Variants in TCERG1L observed in about 807,000 individuals in gnomAD.
TCERG1L encodes the protein transcription elongation regulator 1 like.
TCERG1L carries 37 observed loss-of-function variants against 56.3 expected under a neutral mutation model. The ratio of observed to expected loss-of-function variants is 0.66; its 90% confidence interval spans 0.51 to 0.87. The LOEUF (loss-of-function observed/expected upper bound fraction) is 0.87. Among genes scored for constraint, TCERG1L ranks in the 40% least tolerant of loss-of-function variants. The pLI is 0.00. For missense variants in TCERG1L, 799 were observed against 774.2 expected, an observed-to-expected ratio of 1.03 and a Z score of -0.38; for synonymous variants, 324 against 326.3, an observed-to-expected ratio of 0.99 and a Z score of 0.08.
At chr10:131,137,694 T>C (rs569388595) in intron 7 of TCERG1L, among the ~76,000 whole-genome samples, 2 of 152,364 alleles carry the variant, frequency 1.3e-5, no homozygotes, top group East Asian at 1.9e-4. Flanking sequence ...TGTATAATAT[T>C]GGTAATTTTT....
chr10:131,275,539 G>C (rs575669381), intron 3 of TCERG1L, among the ~76,000 whole-genome samples: 3 of 152,134 alleles, frequency 2.0e-5, no homozygotes, highest in Non-Finnish European at 4.4e-5. Context: ...AGATTGCTGT[G>C]AATACCTGGT....
At chr10:131,210,240 G>A (rs929422093) in intron 4 of TCERG1L, among the ~76,000 whole-genome samples, 1 of 152,176 alleles carries the variant, frequency 6.6e-6, no homozygotes, top group Non-Finnish European at 1.5e-5. Flanking sequence ...GACTGACAAA[G>A]GGATCCAGCT....
At chr10:131,127,040 T>C (rs186790296) in intron 8 of TCERG1L, among the ~76,000 whole-genome samples, 5 of 152,144 alleles carry the variant, frequency 3.3e-5, no homozygotes, top group Non-Finnish European at 7.4e-5. Context: ...AGGTGTTGAT[T>C]TTAGGTAATA....
chr10:131,289,794 T>C (rs149444443), intron 3 of TCERG1L, among the ~76,000 whole-genome samples: 19 of 21,664 alleles, frequency 8.8e-4, no homozygotes, highest in Admixed American at 2.6e-3. Context: ...ATGTGTGCAC[T>C]GCTGTGTGTG....
At chr10:131,144,598 T>A (rs894036901) in intron 7 of TCERG1L, among the ~76,000 whole-genome samples, 1 of 152,002 alleles carries the variant, frequency 6.6e-6, no homozygotes, top group African/African-American at 2.4e-5. Flanking sequence ...AAAAAAAGAC[T>A]GGTTGAAAAC....
At position 131,184,250 on chromosome 10, in the gene TCERG1L, C is replaced by T. The variant is rs545255584; in HGVS notation, c.857-17365G>A. 4.5e-4 allele frequency among the ~76,000 whole-genome samples: 68 copies of T among 152,322 alleles called. 1 individual carries two copies. The highest frequency in any genetic ancestry group is 7.9e-4 in the Non-Finnish European group (54 of 68,032). ...TCTAGCGTATCACATTTAAATGACC[C>T]GTTTCTTATCCGCAAGCTCTCTGAA... is the stretch of plus-strand genomic sequence containing the variant. On this transcript the variant is annotated intron_variant, in intron 4 of 11. Transcript: ENST00000368642.
intron 4 of TCERG1L, among the ~76,000 whole-genome samples, chr10:131,179,503 C>G (rs975720844): frequency 6.6e-6 from 1 of 152,128 alleles, no homozygotes; most frequent in Non-Finnish European, 1.5e-5. Context: ...GAGTAGCCCT[C>G]GGTCCACCCT....
chr10:131,184,713 G>A (rs546079008), intron 4 of TCERG1L, among the ~76,000 whole-genome samples: 8 of 152,310 alleles, frequency 5.3e-5, no homozygotes, highest in South Asian at 2.1e-4. Flanking sequence ...TCCAGGCACC[G>A]AGCAAGCCTC....
At chr10:131,169,368 G>A (rs2133438831) in intron 4 of TCERG1L, among the ~76,000 whole-genome samples, 1 of 152,214 alleles carries the variant, frequency 6.6e-6, no homozygotes, top group Non-Finnish European at 1.5e-5. Flanking sequence ...CCCCCTGACT[G>A]AGGCACAAGG....
Position 131,205,068 on chromosome 10 carries a change from C to T in TCERG1L, c.857-38183G>A, listed in dbSNP as rs143035024. 5.3e-3 allele frequency among the ~76,000 whole-genome samples: 810 copies of T among 152,244 alleles called. 5 individuals are homozygous for T. The highest frequency in any genetic ancestry group is 0.017 in the African/African-American group (713 of 41,548). The stretch of plus-strand genomic sequence containing the variant: ...AGAATCCAGCCTCTCCCAGACCAAG[C>T]GGCCCATGGCATCAACTCAATGGCA... On this transcript the variant is annotated intron_variant, in intron 4 of 11. Transcript: ENST00000368642.
At chr10:131,286,432 T>C (rs1163976936) in intron 3 of TCERG1L, among the ~76,000 whole-genome samples, 2 of 152,168 alleles carry the variant, frequency 1.3e-5, no homozygotes, top group African/African-American at 4.8e-5. Context: ...TACAATACCG[T>C]ATTGTGTAAG....
chr10:131,188,771 AT>A (rs1845274465), intron 4 of TCERG1L, among the ~76,000 whole-genome samples: 1 of 152,242 alleles, frequency 6.6e-6, no homozygotes, highest in Non-Finnish European at 1.5e-5. Flanking sequence ...CATGATTCAA[AT>A]TTCAAAAGGT....
intron 3 of TCERG1L, among the ~76,000 whole-genome samples, chr10:131,289,451 C>T (rs894487134): frequency 4.0e-5 from 6 of 151,808 alleles, no homozygotes; most frequent in South Asian, 2.1e-4. Flanking sequence ...TGGTACACTG[C>T]CTCCATCTCT....
chr10:131,281,900 G>T (rs1846460713), intron 3 of TCERG1L, among the ~76,000 whole-genome samples: 1 of 151,786 alleles, frequency 6.6e-6, no homozygotes, highest in Non-Finnish European at 1.5e-5. Context: ...ACTTTGGGAG[G>T]CCGAGGCTGG....
At chr10:131,227,243 G>A (rs963520381) in intron 4 of TCERG1L, among the ~76,000 whole-genome samples, 1 of 152,246 alleles carries the variant, frequency 6.6e-6, no homozygotes, top group African/African-American at 2.4e-5. Flanking sequence ...TGGTCACCAT[G>A]GGAGGCCCCC....
intron 4 of TCERG1L, among the ~76,000 whole-genome samples, chr10:131,171,163 A>C (rs1224029197): frequency 1.0e-5 from 1 of 96,418 alleles, no homozygotes; most frequent in Non-Finnish European, 2.1e-5. Context: ...ACAAAAACAA[A>C]AACAAAAACA....
chr10:131,116,684 A>T, intron 9 of TCERG1L, 115 bp downstream of exon 9: 1 of 1,378,100 alleles, frequency 7.3e-7, no homozygotes, highest in Non-Finnish European at 9.9e-7. Context: ...CAGGACAGTC[A>T]CTCAGCCTGA....
At chr10:131,217,182 T>C (rs1845678563) in intron 4 of TCERG1L, among the ~76,000 whole-genome samples, 1 of 152,148 alleles carries the variant, frequency 6.6e-6, no homozygotes, top group Non-Finnish European at 1.5e-5. Context: ...GTGGATTTCC[T>C]GCTTGATGCT....
chr10:131,243,714 CAAGT>C (rs1441911403), intron 4 of TCERG1L, among the ~76,000 whole-genome samples: 8 of 152,192 alleles, frequency 5.3e-5, no homozygotes, highest in East Asian at 3.9e-4. Flanking sequence ...CACCAAGACG[CAAGT>C]AAGTGACAAC....
Sources: gnomAD v4.1 joint callset for allele counts (sites outside exome capture counted in the v4.1 genomes callset) on GRCh38, gnomAD v4.1.1 for gene constraint, MANE v1.5 for transcripts, NCBI Gene and HGNC (gene_info 2026-07-23, HGNC 2026-07-21) for gene names.